BABAM2: variants seen among roughly 807,000 people sequenced by gnomAD.
BABAM2 encodes the protein BRISC and BRCA1 A complex member 2, also known as BRISC and BRCA1-A complex member 2.
BABAM2 carries 31 observed loss-of-function variants against 54.7 expected under a neutral mutation model. The ratio of observed to expected loss-of-function variants is 0.57; its 90% CI spans 0.43 to 0.77. The LOEUF is 0.77. BABAM2 is among the 30% of genes least tolerant of loss of function. The probability of loss-of-function intolerance (pLI) is 0.00; values close to 1 mark genes in which losing one functional copy is unlikely to be tolerated. For synonymous variants in BABAM2, 167 were observed against 162.9 expected, an observed-to-expected ratio of 1.03 and a Z score of -0.19; for missense variants, 364 against 455.8, an observed-to-expected ratio of 0.80 and a Z score of 1.83.
chr2:28,338,605 CTT>C lies in BABAM2; in HGVS notation c.*93_*94del. The C allele has an allele frequency of 6.9e-7, 1 of 1,458,764 alleles. No individual in the cohort carries two copies. The highest frequency in any genetic ancestry group is 9.6e-7 in the Non-Finnish European group (1 of 1,043,444). 90.4% of individuals were successfully genotyped at this position (1,458,764 alleles called of 1,614,324 possible). A position where few individuals can be genotyped will look rare whatever the true frequency, so the allele number is the denominator to read the frequency against. ...GCTTCCTGGAAGCCGCCTGGAATGT[CTT>C]CACGGCAGCGTTTTGCTCACACAGC... is the stretch of plus-strand genomic sequence containing the variant. On this transcript the variant is annotated 3_prime_UTR_variant, in exon 12 of 12. Coordinates refer to ENST00000379624, the MANE Select transcript of BABAM2 (RefSeq NM_199191.3).
At chr2:27,917,570 C>T (rs369118064) in intron 2 of BABAM2, among the ~76,000 whole-genome samples, 2 of 152,000 alleles carry the variant, frequency 1.3e-5, no homozygotes, top group African/African-American at 2.4e-5. Context: ...TTTATAAGGA[C>T]GCTAATCCTA....
intron 3 of BABAM2, among the ~76,000 whole-genome samples, chr2:27,973,554 C>G (rs369247030): frequency 1.3e-5 from 2 of 151,766 alleles, no homozygotes; most frequent in East Asian, 1.9e-4. Flanking sequence ...CAGATTGACA[C>G]AGTAATGGAA....
intron 10 of BABAM2, among the ~76,000 whole-genome samples, chr2:28,262,974 T>G (rs1684657045): frequency 6.6e-6 from 1 of 152,122 alleles, no homozygotes; most frequent in South Asian, 2.1e-4. Context: ...TAGGATGTAC[T>G]GAAAGAGGCT....
intron 7 of BABAM2, among the ~76,000 whole-genome samples, chr2:28,202,632 T>C (rs989798324): frequency 2.0e-5 from 3 of 152,170 alleles, no homozygotes; most frequent in African/African-American, 7.2e-5. Context: ...GTTGGGGCTT[T>C]TGTTCATTCA....
intron 10 of BABAM2, among the ~76,000 whole-genome samples, chr2:28,257,107 A>G (rs1684044370): frequency 6.6e-6 from 1 of 152,172 alleles, no homozygotes; most frequent in Non-Finnish European, 1.5e-5. Flanking sequence ...CCCTGATTTG[A>G]GGTATAATGA....
chr2:28,333,642 G>A (rs563281103), intron 11 of BABAM2, among the ~76,000 whole-genome samples: 1 of 152,334 alleles, frequency 6.6e-6, no homozygotes, highest in South Asian at 2.1e-4. Flanking sequence ...TGAGATCAGT[G>A]AAGAGGGACT....
intron 2 of BABAM2, among the ~76,000 whole-genome samples, chr2:27,923,582 C>T (rs1195733113): frequency 5.3e-5 from 8 of 152,150 alleles, no homozygotes; most frequent in Admixed American, 3.3e-4. Context: ...TGTGCCACTG[C>T]ACTCCAGCCT....
intron 11 of BABAM2, among the ~76,000 whole-genome samples, chr2:28,306,994 C>CGTTTTTTTTTTTTTTTTTTT (rs1558517386): frequency 1.4e-5 from 1 of 73,100 alleles, no homozygotes. Context: ...CCACACCTGG[C>CGTTTTTTTTTTTTTTTTTTT]CTTTTTTTTT....
intron 3 of BABAM2, among the ~76,000 whole-genome samples, chr2:27,974,051 T>TA (rs959122345): frequency 4.6e-5 from 7 of 151,556 alleles, no homozygotes; most frequent in Admixed American, 4.6e-4. Flanking sequence ...AATTTATAGT[T>TA]AAAAAAAAAT....
At chr2:28,187,175 A>T (rs1000000757) in intron 7 of BABAM2, among the ~76,000 whole-genome samples, 2 of 152,096 alleles carry the variant, frequency 1.3e-5, no homozygotes, top group Non-Finnish European at 1.5e-5. Context: ...ATGGTATGTG[A>T]GTCTTGATTC....
At chr2:27,942,281 A>G (rs2148385054) in intron 3 of BABAM2, among the ~76,000 whole-genome samples, 1 of 152,326 alleles carries the variant, frequency 6.6e-6, no homozygotes, top group South Asian at 2.1e-4. Flanking sequence ...TGAAATAGAT[A>G]TTGAGACTTT....
At chr2:27,972,924 AC>A (rs1573300355) in intron 3 of BABAM2, among the ~76,000 whole-genome samples, 1 of 151,288 alleles carries the variant, frequency 6.6e-6, no homozygotes, top group East Asian at 1.9e-4. Context: ...GCACCCCCAC[AC>A]CTGGATGATT....
At chr2:27,998,527 T>A (rs941497643) in intron 4 of BABAM2, among the ~76,000 whole-genome samples, 4 of 152,104 alleles carry the variant, frequency 2.6e-5, no homozygotes, top group Non-Finnish European at 5.9e-5. Flanking sequence ...ACATTACAGA[T>A]TTATCTTAAG....
intron 3 of BABAM2, among the ~76,000 whole-genome samples, chr2:27,934,633 C>T (rs1668359342): frequency 6.6e-6 from 1 of 152,226 alleles, no homozygotes; most frequent in African/African-American, 2.4e-5. Flanking sequence ...CTTGGCCAAA[C>T]AGTTAACCAC....
rs191033702 is a variant in BABAM2, at chr2:28,315,298, G to A, written c.1088+16807G>A. 3.6e-4 allele frequency among the ~76,000 whole-genome samples: 55 copies of A among 152,070 alleles called. 1 individual carries two copies. The East Asian group carries it at 9.8e-3, about 27-fold the overall frequency. ...GGCCTTGGCTTTCTCACAGAGGATTGTGAGTGTTAAATGCTGAAATGATTG... is the reference window on the plus strand; with the variant it reads ...GGCCTTGGCTTTCTCACAGAGGATTATGAGTGTTAAATGCTGAAATGATTG... On this transcript the variant is annotated intron_variant, in intron 11 of 11. Coordinates refer to ENST00000379624, the MANE Select transcript of BABAM2 (RefSeq NM_199191.3).
intron 6 of BABAM2, among the ~76,000 whole-genome samples, chr2:28,078,508 T>G (rs1193342732): frequency 6.6e-6 from 1 of 152,108 alleles, no homozygotes; most frequent in Non-Finnish European, 1.5e-5. Flanking sequence ...ATCCATGAAA[T>G]TATGAAGAAG....
intron 3 of BABAM2, among the ~76,000 whole-genome samples, chr2:27,936,220 G>A (rs910786647): frequency 2.0e-5 from 3 of 152,010 alleles, no homozygotes; most frequent in Non-Finnish European, 2.9e-5. Context: ...ATGTCCGGCC[G>A]CAATACAGTA....
intron 6 of BABAM2, among the ~76,000 whole-genome samples, chr2:28,076,465 T>TTTAG (rs1468171357): frequency 4.7e-5 from 5 of 106,416 alleles, no homozygotes; most frequent in Non-Finnish European, 1.1e-4. Context: ...TTTATATTTA[T>TTTAG]TTATTTATTT....
At chr2:28,256,693 C>CTTTTTTTTT (rs34881415) in intron 10 of BABAM2, among the ~76,000 whole-genome samples, 2 of 122,804 alleles carry the variant, frequency 1.6e-5, no homozygotes, top group Non-Finnish European at 3.3e-5. Flanking sequence ...TGGCTCACTT[C>CTTTTTTTTT]TTTTTTTTTT....
Sources: gnomAD v4.1 joint callset for allele counts (sites outside exome capture counted in the v4.1 genomes callset) on GRCh38, gnomAD v4.1.1 for gene constraint, MANE v1.5 for transcripts, NCBI Gene and HGNC (gene_info 2026-07-23, HGNC 2026-07-21) for gene names.